The following LRRC28 variants were observed in gnomAD, a reference collection of about 807,000 sequenced individuals.
LRRC28 encodes leucine rich repeat containing 28.
In LRRC28, 39 loss-of-function variants were observed where a neutral mutation model predicts 45.7. That is an observed-to-expected ratio of 0.85 (90% CI 0.66 to 1.12). The LOEUF (loss-of-function observed/expected upper bound fraction) is 1.12, where lower values mean the gene tolerates loss of function less well. Among genes scored for constraint, LRRC28 ranks in the 50% most tolerant of loss-of-function variants. LRRC28 has a pLI of 0.00. For missense variants in LRRC28, 435 were observed against 438.5 expected (o/e 0.99, Z 0.07); for synonymous variants, 206 against 178.8 (o/e 1.15, Z -1.22).
intron 9 of LRRC28, among the ~76,000 whole-genome samples, chr15:99,375,540 C>A (rs1024117583): frequency 1.3e-5 from 2 of 152,088 alleles, no homozygotes; most frequent in East Asian, 1.9e-4. Flanking sequence ...TTGTGTAAAA[C>A]TTTTCAAAAA....
chr15:99,361,083 C>T (rs1269280851), intron 7 of LRRC28: 3 of 338,416 alleles, frequency 8.9e-6, no homozygotes, highest in Non-Finnish European at 1.6e-5. Flanking sequence ...AAGGAAAGTT[C>T]CTTTAAAGTT....
At chr15:99,320,495 A>G (rs1268024807) in intron 5 of LRRC28, 2 of 152,200 alleles carry the variant, frequency 1.3e-5, no homozygotes, top group African/African-American at 4.8e-5. Context: ...TAATTGCTGG[A>G]TAGGTTCCAA....
rs1957984140 is a variant in LRRC28, at chr15:99,386,167, ACT to A, written c.*68_*69del. 5 of 1,271,724 alleles carry A rather than the reference ACT, an allele frequency of 3.9e-6. No individual in the cohort carries two copies. The highest frequency in any genetic ancestry group is 1.8e-4 in the Middle Eastern group (1 of 5,422). The allele number at this position is 1,271,724 out of a possible 1,614,324, so 78.8% of individuals were successfully genotyped here. ...CTGGGGAATCCAGCCAGTCCAGCAC[ACT>A]CTTCCATCCTGTCCTGTCCAATGCG... On this transcript the variant is annotated 3_prime_UTR_variant, in exon 10 of 10. Coordinates refer to ENST00000301981, the MANE Select transcript of LRRC28 (RefSeq NM_144598.5).
At chr15:99,263,074 C>G (rs2081241517) in intron 2 of LRRC28, among the ~76,000 whole-genome samples, 1 of 150,876 alleles carries the variant, frequency 6.6e-6, no homozygotes, top group South Asian at 2.1e-4. Flanking sequence ...CTTTGGGATG[C>G]TGAGGCAGGC....
Position 99,302,744 on chromosome 15 carries a change from C to T in LRRC28, c.385+14793C>T, listed in dbSNP as rs910012512. 3.3e-5 allele frequency among the ~76,000 whole-genome samples: 5 copies of T among 152,226 alleles called. 1 individual carries two copies. Among genetic ancestry groups the T allele is most frequent in the Non-Finnish European group, 7.3e-5 (5 of 68,046 alleles). On this transcript the variant is annotated intron_variant, in intron 5 of 9. Coordinates refer to ENST00000301981, the MANE Select transcript of LRRC28 (RefSeq NM_144598.5). ...GCTAGCCTTTGTTCTCACCCGCAGTCAACCACTGATCTTGCTTTTTGTCTC... is the reference window on the plus strand; with the variant it reads ...GCTAGCCTTTGTTCTCACCCGCAGTTAACCACTGATCTTGCTTTTTGTCTC...
At chr15:99,290,183 T>C (rs1267671970) in intron 5 of LRRC28, among the ~76,000 whole-genome samples, 3 of 149,942 alleles carry the variant, frequency 2.0e-5, no homozygotes, top group South Asian at 2.1e-4. Flanking sequence ...TGCTTGAACC[T>C]GGGAGGCGGA....
chr15:99,259,735 T>TA (rs1428977593), intron 2 of LRRC28: 1 of 1,416,884 alleles, frequency 7.1e-7, no homozygotes, highest in Non-Finnish European at 1.0e-6. Context: ...ATGAAGATGA[T>TA]AAAACAGTTT....
At chr15:99,258,245 G>T in intron 2 of LRRC28, 2 of 1,592,646 alleles carry the variant, frequency 1.3e-6, no homozygotes, top group Non-Finnish European at 1.7e-6. Flanking sequence ...AGCAGATAAG[G>T]TTATTGTCAC....
chr15:99,283,184 C>A (rs759661320), intron 3 of LRRC28, among the ~76,000 whole-genome samples: 7 of 152,058 alleles, frequency 4.6e-5, no homozygotes, highest in African/African-American at 7.2e-5. Flanking sequence ...TGAGCCACCA[C>A]ACCCAAACTA....
intron 5 of LRRC28, among the ~76,000 whole-genome samples, chr15:99,309,313 T>C (rs6422002): frequency 0.19 from 28,281 of 152,232 alleles, 2,887 homozygotes; most frequent in African/African-American, 0.28. Flanking sequence ...GTGATCTGAC[T>C]TTCCACTCCT....
Position 99,287,935 on chromosome 15 carries a change from G to T in LRRC28, c.369G>T (p.Leu123=), listed in dbSNP as rs764264944. The change falls in exon 5 of 10, where the codon CTG becomes CTT. Residue 123 remains leucine, a synonymous_variant. Transcript: ENST00000301981. ...LRHLRLANNQ[L]QFLPPEVGDL... ...ATCTTCGATTAGCTAATAACCAACT[G>T]CAATTCCTACCTCCAGGTAATCATA... The T allele has an allele frequency of 6.2e-7, 1 of 1,613,206 alleles. No individual in the cohort carries two copies. The highest frequency in any genetic ancestry group is 8.5e-7 in the Non-Finnish European group (1 of 1,179,516).
At chr15:99,253,515 G>T (rs1443608460) in intron 1 of LRRC28, among the ~76,000 whole-genome samples, 1 of 152,210 alleles carries the variant, frequency 6.6e-6, no homozygotes, top group Admixed American at 6.5e-5. Flanking sequence ...GGGTTTAGTA[G>T]CTTTGAGGAT....
chr15:99,257,746 G>A (rs1010824796), intron 2 of LRRC28: 37 of 773,888 alleles, frequency 4.8e-5, no homozygotes, highest in Non-Finnish European at 8.4e-5. Context: ...GGTAAAAGTA[G>A]ACAAGGCTCA....
intron 5 of LRRC28, among the ~76,000 whole-genome samples, chr15:99,301,562 T>C (rs1326111914): frequency 6.6e-6 from 1 of 152,252 alleles, no homozygotes; most frequent in Non-Finnish European, 1.5e-5. Flanking sequence ...TTGATCCCTC[T>C]GTGTCTCCAT....
At chr15:99,255,364 A>T (rs545719077) in intron 1 of LRRC28, among the ~76,000 whole-genome samples, 4 of 152,250 alleles carry the variant, frequency 2.6e-5, no homozygotes, top group Non-Finnish European at 4.4e-5. Flanking sequence ...CTCTAAAAAA[A>T]AATAAGAAGA....
intron 5 of LRRC28, among the ~76,000 whole-genome samples, chr15:99,311,898 C>T (rs12912760): frequency 0.066 from 10,059 of 152,100 alleles, 377 homozygotes; most frequent in Admixed American, 0.12. Context: ...AAGCCATAGT[C>T]GTAACAGTGA....
At position 99,329,254 on chromosome 15, in the gene LRRC28, G is replaced by A. The variant is rs146768710; in HGVS notation, c.386-4669G>A. ...ATACAGAAAATCACTTAATTGTAAT[G>A]GTAAAGCCATAACCAGACTTTCAAA... On this transcript the variant is annotated intron_variant, in intron 5 of 9. Transcript: ENST00000301981. Among the ~76,000 whole-genome samples the A allele has an allele frequency of 6.4e-3, 971 of 152,248 alleles. 13 individuals carry two copies. Among genetic ancestry groups the A allele is most frequent in the African/African-American group, 0.022 (913 of 41,542 alleles).
chr15:99,252,515 C>A (rs1167191882), intron 1 of LRRC28, among the ~76,000 whole-genome samples: 1 of 152,156 alleles, frequency 6.6e-6, no homozygotes, highest in African/African-American at 2.4e-5. Context: ...CATTATAGGG[C>A]GGCGGTGCAC....
chr15:99,276,506 A>G (rs1327782139), intron 2 of LRRC28, 70 bp from the exon 3 acceptor site: 38 of 1,285,564 alleles, frequency 3.0e-5, no homozygotes, highest in Non-Finnish European at 3.8e-5. Context: ...AGTACTTTGT[A>G]TTTAAACAAA....
Sources: gnomAD v4.1 joint callset for allele counts (sites outside exome capture counted in the v4.1 genomes callset) on GRCh38, gnomAD v4.1.1 for gene constraint, MANE v1.5 for transcripts, NCBI Gene and HGNC (gene_info 2026-07-23, HGNC 2026-07-21) for gene names.